Variants in LENG8 observed in about 807,000 individuals in gnomAD.
LENG8 encodes the protein leukocyte receptor cluster member 8.
Under a neutral mutation model 102.1 loss-of-function variants are expected in LENG8, and 28 were observed. That is an observed-to-expected ratio of 0.27 (90% confidence interval 0.20 to 0.38). LENG8 has a LOEUF of 0.38. Among genes scored for constraint, LENG8 ranks in the 10% least tolerant of loss-of-function variants. The pLI, the probability that LENG8 is intolerant of heterozygous loss-of-function variation, is 1.00. For synonymous variants in LENG8, 531 were observed against 456.7 expected, an observed-to-expected ratio of 1.16 and a Z score of -2.07; for missense variants, 1,022 against 1,113.9, an observed-to-expected ratio of 0.92 and a Z score of 1.17.
chr19:54,460,886 C>A lies in LENG8; in HGVS notation c.2361C>A (p.Ser787Arg). 6.4e-7 allele frequency: 1 copy of A among 1,556,194 alleles called. No individual in the cohort carries two copies. Among genetic ancestry groups the A allele is most frequent in the Non-Finnish European group, 8.7e-7 (1 of 1,151,792 alleles). Residue 787 changes from serine to arginine, a missense_variant, in exon 16 of 16, where the codon AGC (serine) becomes AGA (arginine). This residue lies in a region of LENG8 where 129 missense variants were observed against 123.0 expected (regional missense o/e 1.05). Transcript: ENST00000326764. ...CCTACACGGGCCCGGACAACTCCAG[C>A]ATCGACTGCCGCCTCAGCCTGGCGC... ...GLAYTGPDNS[S>R]IDCRLSLAQL...
In LENG8 at chr19:54,451,143, C is replaced by T. The variant is rs113662537; in HGVS notation, c.-55-147C>T. ...CAGCCTTTCTAGTCCACACCCAGAA[C>T]TCTTCAGATCCTTGACCCCAGTGGC... On this transcript the variant is annotated intron_variant, in intron 1 of 15. Coordinates refer to ENST00000326764, the MANE Select transcript of LENG8 (RefSeq NM_052925.4). 4.7e-4 allele frequency: 295 copies of T among 624,458 alleles called. 2 individuals carry two copies. The highest frequency in any genetic ancestry group is 4.6e-3 in the African/African-American group (254 of 54,660). 38.7% of individuals were successfully genotyped at this position (624,458 alleles called of 1,614,324 possible). A position where few individuals can be genotyped will look rare whatever the true frequency, so the allele number is the denominator to read the frequency against.
chr19:54,450,639 TGAGACAGAG>T (rs1569286958), intron 1 of LENG8, among the ~76,000 whole-genome samples: 2 of 124,478 alleles, frequency 1.6e-5, no homozygotes, highest in Non-Finnish European at 3.4e-5. Flanking sequence ...TTTTTTTTTT[TGAGACAGAG>T]TTTCGCTCTT....
intron 15 of LENG8, chr19:54,459,343 G>A (rs2084413739): frequency 1.0e-6 from 1 of 998,858 alleles, no homozygotes; most frequent in African/African-American, 1.7e-5. Context: ...GGCCTTGAGA[G>A]CCTGGCCAGG....
chr19:54,451,599 ACAGCG>A (rs1367461089), intron 2 of LENG8, among the ~76,000 whole-genome samples: 1 of 152,238 alleles, frequency 6.6e-6, no homozygotes, highest in Admixed American at 6.5e-5. Flanking sequence ...TTTTCACAGT[ACAGCG>A]CTTGCTTTGC....
chr19:54,457,752 G>A lies in LENG8; in HGVS notation c.1737G>A (p.Leu579=), dbSNP rs776777487. 4 of 1,613,338 alleles carry A rather than the reference G, an allele frequency of 2.5e-6. No individual in the cohort carries two copies. The highest frequency in any genetic ancestry group is 1.3e-5 in the African/African-American group (1 of 74,884). The change falls in exon 12 of 16, where the codon TTG becomes TTA. Residue 579 remains leucine (L), a synonymous_variant. Coordinates refer to ENST00000326764, the MANE Select transcript of LENG8 (RefSeq NM_052925.4). ...DPSTVRPVAV[L]KKSLCMVKCH... is the part of the protein sequence containing the mutation. ...AATTCAGTTCCCTTTTTCAGGTTTT[G>A]AAAAAGTCGCTGTGCATGGTCAAGT...
intron 3 of LENG8, 136 bp downstream of exon 3, chr19:54,452,403 G>A: frequency 1.1e-6 from 1 of 875,912 alleles, no homozygotes; most frequent in Non-Finnish European, 1.7e-6. Flanking sequence ...ATCTAAATCT[G>A]AACGGGAAAA....
At chr19:54,459,180 G>A (rs2084407267) in intron 15 of LENG8, 2 of 1,202,670 alleles carry the variant, frequency 1.7e-6, no homozygotes, top group Non-Finnish European at 2.1e-6. Context: ...GCAATGTCAA[G>A]AGAGGTTTTC....
At chr19:54,455,944 G>T (rs528933477) in intron 8 of LENG8, 23 bp from the exon 9 acceptor site, 1 of 1,601,170 alleles carries the variant, frequency 6.2e-7, no homozygotes. Flanking sequence ...GGTTGGTGAC[G>T]CCCTGCCCTG....
At chr19:54,458,261 A>G (rs778370557) in intron 14 of LENG8, 29 bp downstream of exon 14, 55 of 1,613,788 alleles carry the variant, frequency 3.4e-5, no homozygotes, top group Middle Eastern at 1.6e-4. Flanking sequence ...GACAGAGGCC[A>G]TGGTACCCAG....
chr19:54,456,465 G>C lies in LENG8; in HGVS notation c.1445G>C (p.Arg482Thr). Reference sequence around the variant, plus strand: ...CGAGGCAGGGCGCAGCGTGGGAAGAGGTGAGACTGTGTGAGGGCTCGACAC... The same window carrying C: ...CGAGGCAGGGCGCAGCGTGGGAAGACGTGAGACTGTGTGAGGGCTCGACAC... ...RGRGRAQRGK[R>T]HDLAPTKRSR... The change falls in exon 10 of 16, where the codon AGG (arginine) becomes ACG (threonine). Residue 482 changes from arginine to threonine, a missense_variant and splice_region_variant. Physicochemically the swap from Arg to Thr is moderately conservative, Grantham distance 71. Transcript: ENST00000326764. 1 of 1,603,192 alleles carries C rather than the reference G, an allele frequency of 6.2e-7. No homozygotes were observed. Among genetic ancestry groups the C allele is most frequent in the Non-Finnish European group, 8.5e-7 (1 of 1,177,708 alleles).
intron 15 of LENG8, chr19:54,459,427 T>G (rs1386418416): frequency 4.0e-6 from 4 of 990,816 alleles, no homozygotes; most frequent in Non-Finnish European, 4.8e-6. Flanking sequence ...CCACGTGAGG[T>G]CATGGTCACA....
rs778923911 is a variant in LENG8, at chr19:54,456,936, G to A, written c.1731+15G>A. 1 of 1,596,756 alleles carries A rather than the reference G, an allele frequency of 6.3e-7. No individual in the cohort carries two copies. Among genetic ancestry groups the A allele is most frequent in the South Asian group, 1.1e-5 (1 of 89,926 alleles). On this transcript the variant is annotated intron_variant, in intron 11 of 15. Coordinates refer to ENST00000326764, the MANE Select transcript of LENG8 (RefSeq NM_052925.4). ...GCCCTGTGGCAGTAAGTGCCCAGCAGGGCAGTTCTGCTCTGTGAGGCCGTG... is the reference window on the plus strand; with the variant it reads ...GCCCTGTGGCAGTAAGTGCCCAGCAAGGCAGTTCTGCTCTGTGAGGCCGTG...
At chr19:54,450,989 C>G (rs1177674772) in intron 1 of LENG8, among the ~76,000 whole-genome samples, 1 of 152,142 alleles carries the variant, frequency 6.6e-6, no homozygotes, top group African/African-American at 2.4e-5. Context: ...TCATCACAGC[C>G]TCTCTTTGCT....
chr19:54,452,319 GAC>G (rs762254301), intron 3 of LENG8, 52 bp downstream of exon 3: 1 of 1,499,590 alleles, frequency 6.7e-7, no homozygotes, highest in Non-Finnish European at 9.1e-7. Context: ...TTGTGGGAGG[GAC>G]ACAGTCTGGC....
At position 54,461,659 on chromosome 19, in the gene LENG8, C is replaced by A. The variant is rs1439318276; in HGVS notation, c.*731C>A. The A allele has an allele frequency of 7.1e-5, 34 of 477,986 alleles. No homozygotes were observed. Among genetic ancestry groups the A allele is most frequent in the South Asian group, 4.6e-4 (30 of 64,614 alleles). The allele number at this position is 477,986 out of a possible 1,614,324, so 29.6% of individuals were successfully genotyped here. On this transcript the variant is annotated 3_prime_UTR_variant, in exon 16 of 16. Transcript: ENST00000326764. The stretch of plus-strand genomic sequence containing the variant: ...CTTTCCCTCCCTCCCTCTCCGCATT[C>A]TTCCCTTGGTTCAGCACAGGTAAAA...
chr19:54,454,402 C>T lies in LENG8; in HGVS notation c.427-28C>T, dbSNP rs200976656. 35 of 1,569,742 alleles carry T rather than the reference C, an allele frequency of 2.2e-5. 1 individual carries two copies. In the South Asian group the frequency reaches 3.0e-4, roughly 14 times the overall value. On this transcript the variant is annotated intron_variant, in intron 5 of 15. Transcript: ENST00000326764. Reference sequence around the variant, plus strand: ...CTCGCCAGCCCCAGAATCTGCCTCCCGTGCTCAGCGCCTGCTTCCTTCTGC... The same window carrying T: ...CTCGCCAGCCCCAGAATCTGCCTCCTGTGCTCAGCGCCTGCTTCCTTCTGC...
At chr19:54,456,286 G>A in intron 9 of LENG8, 39 bp from the exon 10 acceptor site, 2 of 1,614,158 alleles carry the variant, frequency 1.2e-6, no homozygotes, top group East Asian at 2.2e-5. Flanking sequence ...GAGGGAGGGG[G>A]AGGCGTTTCA....
chr19:54,450,549 C>T (rs2123047516), intron 1 of LENG8, among the ~76,000 whole-genome samples: 1 of 152,128 alleles, frequency 6.6e-6, no homozygotes, highest in African/African-American at 2.4e-5. Context: ...TTAAGGGTTC[C>T]CTCAGACTCT....
At position 54,458,770 on chromosome 19, in the gene LENG8, C is replaced by T. The variant is rs2084385847; in HGVS notation, c.2240+249C>T. ...TGTTCCCAGCTCACTGCCTCTGGGGCCTCTTCTCCACCCCATCTGTGTGTC... is the reference window on the plus strand; with the variant it reads ...TGTTCCCAGCTCACTGCCTCTGGGGTCTCTTCTCCACCCCATCTGTGTGTC... On this transcript the variant is annotated intron_variant, in intron 15 of 15. Coordinates refer to ENST00000326764, the MANE Select transcript of LENG8 (RefSeq NM_052925.4). 6.4e-6 allele frequency: 10 copies of T among 1,551,238 alleles called. No homozygotes were observed. The East Asian group carries it at 2.4e-4, about 38-fold the overall frequency.
Sources: allele counts gnomAD v4.1 joint callset (sites outside exome capture counted in the v4.1 genomes callset), GRCh38; gene constraint gnomAD v4.1.1; regional missense constraint gnomAD v4.1.1; transcripts MANE v1.5; gene names NCBI Gene and HGNC (gene_info 2026-07-23, HGNC 2026-07-21).